TREML1: variants seen among roughly 807,000 people sequenced by gnomAD.
TREML1 encodes trem-like transcript 1 protein.
TREML1 carries 27 observed loss-of-function variants against 22.8 expected under a neutral mutation model. That is an observed-to-expected ratio of 1.19 (90% CI 0.87 to 1.64). The LOEUF (loss-of-function observed/expected upper bound fraction) is 1.64, where lower values mean the gene tolerates loss of function less well. Among genes scored for constraint, TREML1 ranks in the 40% most tolerant of loss-of-function variants. TREML1 has a pLI of 0.00. For missense variants in TREML1, 356 were observed against 382.0 expected (o/e 0.93, Z 0.57); for synonymous variants, 153 against 161.9 (o/e 0.94, Z 0.42).
intron 2 of TREML1, among the ~76,000 whole-genome samples, 160 bp downstream of exon 2, chr6:41,153,598 C>T (rs1340503330): frequency 6.6e-6 from 1 of 151,988 alleles, no homozygotes; most frequent in African/African-American, 2.4e-5. Flanking sequence ...GACTTCCCAC[C>T]CAGTTTGGTT....
In TREML1 at chr6:41,153,967, G is replaced by A. The variant is rs769613009; in HGVS notation, c.167C>T (p.Pro56Leu). The part of the protein sequence containing the change: ...KAQKVWCRFL[P>L]EGCQPLVSSA... ...GGACACCAGGGGCTGGCACCCCTCC[G>A]GCAAGAACCGGCACCACACCTTCTG... The change falls in exon 2 of 6, where the codon CCG becomes CTG. Residue 56 changes from proline to leucine, a missense_variant. By Grantham distance (98) the Pro-to-Leu change is moderately conservative. Transcript: ENST00000426005. The A allele has an allele frequency of 1.2e-5, 20 of 1,613,978 alleles. No individual in the cohort carries two copies. The highest frequency in any genetic ancestry group is 4.4e-5 in the South Asian group (4 of 91,084).
At chr6:41,151,035 G>A in intron 3 of TREML1, 128 bp from the exon 4 acceptor site, 1 of 819,728 alleles carries the variant, frequency 1.2e-6, no homozygotes, top group Non-Finnish European at 2.0e-6. Context: ...TAGAATGAGG[G>A]GAGCTGACTG....
Position 41,149,622 on chromosome 6 carries a change from AT to A in TREML1, c.917del (p.Asn306IlefsTer13), listed in dbSNP as rs1010021714. On this transcript the variant is annotated frameshift_variant, in exon 6 of 6. Transcript: ENST00000426005. LOFTEE classifies it high-confidence loss of function. Reference protein sequence around the residue: ...SCGPAQNPPNNQTPSS With the variant: ...SCGPAQNPPNXQTPSS Reference sequence around the variant, plus strand: ...GAGCAGCTTAGCTGGATGGAGTCTGATTGTTAGGTGGATTCTGGGCTGGCCC... The same window carrying A: ...GAGCAGCTTAGCTGGATGGAGTCTGATGTTAGGTGGATTCTGGGCTGGCCC... The A allele has an allele frequency of 6.2e-7, 1 of 1,612,280 alleles. No individual in the cohort carries two copies. Among genetic ancestry groups the A allele is most frequent in the African/African-American group, 1.3e-5 (1 of 75,008 alleles).
At position 41,151,298 on chromosome 6, in the gene TREML1, T is replaced by C. The variant is rs1765238851; in HGVS notation, c.463A>G (p.Ser155Gly). 1 of 1,614,172 alleles carries C rather than the reference T, an allele frequency of 6.2e-7. No homozygotes were observed. Among genetic ancestry groups the C allele is most frequent in the African/African-American group, 1.3e-5 (1 of 75,052 alleles). ...TGTCAGTACCTCTTCTCATCCTGGC[T>C]GGGTTCCAAAGGGTTGGCACTGCCT... ...PAGSANPLEPSQDEKSIPLIW... is the reference protein window; with the variant it reads ...PAGSANPLEPGQDEKSIPLIW... Residue 155 changes from serine to glycine, a missense_variant, in exon 3 of 6, where the codon AGC (serine) becomes GGC (glycine). Transcript: ENST00000426005.
In TREML1 at chr6:41,153,897, G is replaced by A. The variant is rs773100755; in HGVS notation, c.237C>T (p.Leu79=). ...RRAPAGRRTF[L]TDLGGGLLQV... ...GCAGCAGGCCCCCACCCAGGTCTGT[G>A]AGAAACGTACGCCTGCCCGCTGGAG... The change falls in exon 2 of 6, where the codon CTC becomes CTT. Residue 79 remains leucine, a synonymous_variant. Transcript: ENST00000426005. 2.5e-6 allele frequency: 4 copies of A among 1,614,208 alleles called. No homozygotes were observed. The South Asian group carries it at 4.4e-5, about 18-fold the overall frequency.
Position 41,150,916 on chromosome 6 carries a change from C to G in TREML1, c.480-9G>C. On this transcript the variant is annotated splice_polypyrimidine_tract_variant and intron_variant, in intron 3 of 5. Coordinates refer to ENST00000426005, the MANE Select transcript of TREML1 (RefSeq NM_178174.4). ...CCCAGATCAAGGGGATGCTGAGGAA[C>G]AGAAAGGGATAGGCAGGCTTAGACC... 1.2e-6 allele frequency: 2 copies of G among 1,613,700 alleles called. No individual in the cohort carries two copies. The highest frequency in any genetic ancestry group is 1.7e-6 in the Non-Finnish European group (2 of 1,179,692).
rs1217540891 is a variant in TREML1 at position 41,149,550 on chromosome 6, G to C, written c.*54C>G. ...TCCTAGGGCATGAGCTGGCTGGATG[G>C]ATGCACAGAACCCCTAGGGATGGTC... On this transcript the variant is annotated 3_prime_UTR_variant, in exon 6 of 6. Transcript: ENST00000426005. The C allele has an allele frequency of 1.3e-6, 2 of 1,542,426 alleles. No individual in the cohort carries two copies. Among genetic ancestry groups the C allele is most frequent in the Non-Finnish European group, 1.8e-6 (2 of 1,137,134 alleles).
chr6:41,153,840 A>C lies in TREML1; in HGVS notation c.294T>G (p.Asp98Glu), dbSNP rs1765345931. 6.2e-7 allele frequency: 1 copy of C among 1,614,036 alleles called. No homozygotes were observed. The highest frequency in any genetic ancestry group is 1.1e-5 in the South Asian group (1 of 91,088). Residue 98 changes from aspartate to glutamate, a missense_variant, in exon 2 of 6, where the codon GAT becomes GAG. Coordinates refer to ENST00000426005, the MANE Select transcript of TREML1 (RefSeq NM_178174.4). ...CCACCATGCAGCCATACTCGCCAGC[A>C]TCCTCTTCCTGCAGGGTAACCATTT... ...QVEMVTLQEE[D>E]AGEYGCMVDG...
At position 41,149,562 on chromosome 6, in the gene TREML1, C is replaced by G. The variant is rs774619464; in HGVS notation, c.*42G>C. ...AGCTGGCTGGATGGATGCACAGAAC[C>G]CCTAGGGATGGTCCTCATGAGTTTA... On this transcript the variant is annotated 3_prime_UTR_variant, in exon 6 of 6. Transcript: ENST00000426005. 8 of 1,569,392 alleles carry G rather than the reference C, an allele frequency of 5.1e-6. No individual in the cohort carries two copies. The South Asian group carries it at 8.4e-5, about 17-fold the overall frequency.
rs1415927517 is a variant in TREML1 at position 41,154,290 on chromosome 6, G to A, written c.-2C>T. The A allele has an allele frequency of 1.9e-6, 3 of 1,613,900 alleles. No individual in the cohort carries two copies. The highest frequency in any genetic ancestry group is 3.3e-5 in the Admixed American group (2 of 60,028). On this transcript the variant is annotated 5_prime_UTR_variant, in exon 1 of 6. Transcript: ENST00000426005. Reference sequence around the variant, plus strand: ...CAGCAAGAGCAGGGTGAGGCCCATGGCTGGGCAGAGAAATGTCAACTCCTG... The same window carrying A: ...CAGCAAGAGCAGGGTGAGGCCCATGACTGGGCAGAGAAATGTCAACTCCTG...
At position 41,149,751 on chromosome 6, in the gene TREML1, G is replaced by T; in HGVS notation, c.789C>A (p.Ser263=). The change falls in exon 6 of 6, where the codon TCC becomes TCA. Residue 263 remains serine (S), a synonymous_variant. Coordinates refer to ENST00000426005, the MANE Select transcript of TREML1 (RefSeq NM_178174.4). ...PSGKPSLPAP[S]SLPPLPPKVL... ...CCTTAGGAGGTAGAGGGGGCAATGA[G>T]GATGGAGCTGGGAGTGAAGGTTTTC... The T allele has an allele frequency of 1.2e-6, 2 of 1,614,226 alleles. No individual in the cohort carries two copies. Among genetic ancestry groups the T allele is most frequent in the Non-Finnish European group, 1.7e-6 (2 of 1,180,038 alleles).
At position 41,149,503 on chromosome 6, in the gene TREML1, G is replaced by A; in HGVS notation, c.*101C>T. 1 of 1,266,330 alleles carries A rather than the reference G, an allele frequency of 7.9e-7. No individual in the cohort carries two copies. Among genetic ancestry groups the A allele is most frequent in the Non-Finnish European group, 1.1e-6 (1 of 905,282 alleles). The allele number at this position is 1,266,330 out of a possible 1,614,324, so 78.4% of individuals were successfully genotyped here. On this transcript the variant is annotated 3_prime_UTR_variant, in exon 6 of 6. Transcript: ENST00000426005. ...CATTGGATTAGATCTTAAAGTCCCT[G>A]GTTGCTCAGATATCCTAAGGATCCT...
intron 2 of TREML1, 196 bp from the exon 3 acceptor site, chr6:41,151,580 A>G (rs1050907727): frequency 3.4e-6 from 2 of 582,582 alleles, no homozygotes; most frequent in Non-Finnish European, 6.1e-6. Flanking sequence ...AGGAAATGGC[A>G]CTGGCTCTTT....
In TREML1 at chr6:41,150,176, C is replaced by T. The variant is rs531827735; in HGVS notation, c.621+85G>A. On this transcript the variant is annotated intron_variant, in intron 5 of 5. Coordinates refer to ENST00000426005, the MANE Select transcript of TREML1 (RefSeq NM_178174.4). ...CCCAACTAGGTCCCAGTCCTTTCTCCACCCCATCATCCTAGGACCTCTCAG... is the reference window on the plus strand; with the variant it reads ...CCCAACTAGGTCCCAGTCCTTTCTCTACCCCATCATCCTAGGACCTCTCAG... The T allele has an allele frequency of 7.5e-6, 11 of 1,471,348 alleles. No individual in the cohort carries two copies. The East Asian group carries it at 9.2e-5, about 12-fold the overall frequency. The allele number at this position is 1,471,348 out of a possible 1,614,324, so 91.1% of individuals were successfully genotyped here.
chr6:41,152,913 T>G (rs1765303494), intron 2 of TREML1, among the ~76,000 whole-genome samples: 1 of 151,998 alleles, frequency 6.6e-6, no homozygotes, highest in South Asian at 2.1e-4. Flanking sequence ...CTCTACTTAA[T>G]TTTATTATTT....
Position 41,150,860 on chromosome 6 carries a change from G to A in TREML1, c.527C>T (p.Ala176Val). 1 of 1,614,096 alleles carries A rather than the reference G, an allele frequency of 6.2e-7. No homozygotes were observed. Among genetic ancestry groups the A allele is most frequent in the Non-Finnish European group, 8.5e-7 (1 of 1,179,996 alleles). ...GAVLLVGLLV[A>V]AVVLFAVMAK... is the part of the protein sequence containing the mutation. ...CATCACAGCAAACAGCACCACCGCT[G>A]CCACCAGCAGACCTACCAGGAGCAC... The change falls in exon 4 of 6, where the codon GCA becomes GTA. Residue 176 changes from alanine to valine, a missense_variant. Physicochemically the swap from Ala to Val is moderately conservative, Grantham distance 64 (BLOSUM62 0). Transcript: ENST00000426005.
At chr6:41,150,406 T>G in intron 4 of TREML1, 93 bp from the exon 5 acceptor site, 4 of 1,222,878 alleles carry the variant, frequency 3.3e-6, no homozygotes, top group Non-Finnish European at 4.7e-6. Flanking sequence ...CTGAAACCTC[T>G]TCACTACTGC....
chr6:41,154,368 T>A, upstream of TREML1: 1 of 1,239,954 alleles, frequency 8.1e-7, no homozygotes, highest in Non-Finnish European at 1.2e-6. Flanking sequence ...AACATCTGCC[T>A]CAGAAAGTCA....
At chr6:41,154,225 G>A (rs773842272) in intron 1 of TREML1, 21 bp downstream of exon 1, 32 of 1,611,978 alleles carry the variant, frequency 2.0e-5, no homozygotes, top group Non-Finnish European at 2.3e-5. Context: ...GCCCAGAGCT[G>A]CAGCTCCTCC....
Sources: gnomAD v4.1 joint callset for allele counts (sites outside exome capture counted in the v4.1 genomes callset) on GRCh38, gnomAD v4.1.1 for gene constraint, MANE v1.5 for transcripts, NCBI Gene and HGNC (gene_info 2026-07-23, HGNC 2026-07-21) for gene names.